The following BPIFC variants were observed in gnomAD, a reference collection of about 807,000 sequenced individuals.
BPIFC encodes the protein BPI fold containing family C.
In BPIFC, 60 loss-of-function variants were observed where a neutral mutation model predicts 57.6. The ratio of observed to expected loss-of-function variants is 1.04; its 90% CI spans 0.85 to 1.29. The LOEUF (loss-of-function observed/expected upper bound fraction) is 1.29. Among genes scored for constraint, BPIFC ranks in the 50% most tolerant of loss-of-function variants. BPIFC has a pLI of 0.00. For synonymous variants in BPIFC, 243 were observed against 224.5 expected (o/e 1.08, Z -0.74); for missense variants, 581 against 600.5 (o/e 0.97, Z 0.34).
chr22:32,437,493 C>T (rs1290991758), intron 9 of BPIFC, among the ~76,000 whole-genome samples: 1 of 152,112 alleles, frequency 6.6e-6, no homozygotes, highest in African/African-American at 2.4e-5. Context: ...CAGGTTCAAG[C>T]AATTCTCCTG....
chr22:32,449,528 T>C (rs1014557995), intron 4 of BPIFC, among the ~76,000 whole-genome samples: 2 of 152,214 alleles, frequency 1.3e-5, no homozygotes, highest in East Asian at 3.8e-4. Flanking sequence ...ATTCATTTAC[T>C]ATATCTTGGA....
intron 1 of BPIFC, among the ~76,000 whole-genome samples, chr22:32,462,413 A>G (rs1350794419): frequency 1.3e-5 from 2 of 152,082 alleles, no homozygotes; most frequent in Non-Finnish European, 2.9e-5. Flanking sequence ...GGTTCTACAA[A>G]TGGTTAGAAA....
rs1556036707 is a variant in BPIFC at position 32,424,753 on chromosome 22, C to CTCTTCTTCT, written c.1218-5358_1218-5350dup. The stretch of plus-strand genomic sequence containing the variant: ...CCTCTTCTTCTTCCTCTTCTTCTTC[C>CTCTTCTTCT]TCTTCTTCTTCTTCTTCTTCTTCTT... On this transcript the variant is annotated intron_variant, in intron 13 of 16. Transcript: ENST00000300399. Among the ~76,000 whole-genome samples the CTCTTCTTCT allele has an allele frequency of 1.4e-3, 49 of 35,490 alleles. 7 individuals carry two copies. The highest frequency in any genetic ancestry group is 0.013 in the Middle Eastern group (1 of 76). 23.3% of individuals were successfully genotyped at this position (35,490 alleles called of 152,430 possible). A position where few individuals can be genotyped will look rare whatever the true frequency, so the allele number is the denominator to read the frequency against.
chr22:32,461,466 A>C, intron 2 of BPIFC, 108 bp downstream of exon 2: 1 of 495,396 alleles, frequency 2.0e-6, no homozygotes, highest in Non-Finnish European at 2.6e-6. Context: ...AGTGATCTGA[A>C]GGTTGGAGGA....
At position 32,437,805 on chromosome 22, in the gene BPIFC, G is replaced by C; in HGVS notation, c.702C>G (p.Ile234Met). 2 of 1,612,542 alleles carry C rather than the reference G, an allele frequency of 1.2e-6. No homozygotes were observed. The highest frequency in any genetic ancestry group is 1.1e-5 in the South Asian group (1 of 91,034). The change falls in exon 9 of 17, where the codon ATC becomes ATG. Residue 234 changes from isoleucine (I) to methionine (M), a missense_variant. Ile to Met is a conservative substitution (Grantham distance 10). Coordinates refer to ENST00000300399, the MANE Select transcript of BPIFC (RefSeq NM_174932.3). ...AGTTCTCAGTAATTTCTGGAGAACT[G>C]ATTAGGGAGTAATCCAGCAGAGTGT... The part of the protein sequence containing the change: ...DNYTLLDYSL[I>M]SSPEITENYL...
intron 13 of BPIFC, among the ~76,000 whole-genome samples, chr22:32,420,835 G>A (rs5754078): frequency 1.3e-5 from 2 of 152,204 alleles, no homozygotes; most frequent in Admixed American, 6.5e-5. Context: ...GTAAAATTAC[G>A]ATATGTCCAT....
At chr22:32,432,224 G>C (rs1042805456) in intron 12 of BPIFC, 149 bp downstream of exon 12, 97 of 834,110 alleles carry the variant, frequency 1.2e-4, no homozygotes, top group South Asian at 2.4e-4. Flanking sequence ...GGAATTATAG[G>C]CATGAGCCAT....
At position 32,432,451 on chromosome 22, in the gene BPIFC, G is replaced by A. The variant is rs1238428969; in HGVS notation, c.1071C>T (p.Thr357=). Reference sequence around the variant, plus strand: ...TCATGATGGAGGCAGGGATGTCCAGGGTGAAATTGCCTGGTTGTAGATTGA... The same window carrying A: ...TCATGATGGAGGCAGGGATGTCCAGAGTGAAATTGCCTGGTTGTAGATTGA... ...PIINLQPGNF[T]LDIPASIMML... The change falls in exon 12 of 17, where the codon ACC becomes ACT. Residue 357 remains threonine (T), a synonymous_variant. Transcript: ENST00000300399. 5.6e-6 allele frequency: 9 copies of A among 1,613,994 alleles called. No individual in the cohort carries two copies. The highest frequency in any genetic ancestry group is 1.7e-5 in the Admixed American group (1 of 59,990).
chr22:32,436,475 G>GGAAGAA (rs375063707), intron 9 of BPIFC, among the ~76,000 whole-genome samples: 4 of 151,440 alleles, frequency 2.6e-5, no homozygotes, highest in Non-Finnish European at 4.4e-5. Flanking sequence ...AAAAAGAAGA[G>GGAAGAA]GAAGAAGAAG....
chr22:32,415,928 A>C lies in BPIFC; in HGVS notation c.1388T>G (p.Ile463Ser). 1.9e-6 allele frequency: 3 copies of C among 1,588,064 alleles called. No individual in the cohort carries two copies. The South Asian group carries it at 3.4e-5, about 18-fold the overall frequency. ...PHKFLFVNSD[I>S]EVLEGFLLIS... ...TTGCATTCTTACCTCAAGAACTTCA[A>C]TATCTGAATTGACGAATAAGAATTT... The change falls in exon 16 of 17, where the codon ATT (isoleucine) becomes AGT (serine). Residue 463 changes from isoleucine (I) to serine (S), a missense_variant. By Grantham distance (142) the Ile-to-Ser change is moderately radical. Coordinates refer to ENST00000300399, the MANE Select transcript of BPIFC (RefSeq NM_174932.3).
chr22:32,429,529 T>C (rs1263792441), intron 13 of BPIFC, among the ~76,000 whole-genome samples: 2 of 140,880 alleles, frequency 1.4e-5, no homozygotes, highest in South Asian at 4.8e-4. Context: ...TTTTTTTTTT[T>C]TTTTTTTCAT....
intron 7 of BPIFC, 38 bp downstream of exon 7, chr22:32,445,597 G>A (rs751595154): frequency 3.2e-5 from 48 of 1,506,148 alleles, no homozygotes; most frequent in Non-Finnish European, 4.2e-5. Flanking sequence ...TTCTACTAAT[G>A]GCATTTTACT....
chr22:32,452,289 G>A (rs1934916275), intron 4 of BPIFC, among the ~76,000 whole-genome samples: 1 of 152,086 alleles, frequency 6.6e-6, no homozygotes, highest in Non-Finnish European at 1.5e-5. Flanking sequence ...ACAGATCAGA[G>A]CATTAGCCAG....
chr22:32,435,773 A>C lies in BPIFC; in HGVS notation c.855T>G (p.Tyr285Ter). The change falls in exon 10 of 17, where the codon TAT becomes TAG. Residue 285 changes from tyrosine to a stop codon, truncating the protein, a stop_gained. Coordinates refer to ENST00000300399, the MANE Select transcript of BPIFC (RefSeq NM_174932.3). LOFTEE classifies it high-confidence loss of function. ...GAGCAAAGGACGCAGATTTAAAGAA[A>C]TACTCGGCGATTCCAATGTAGAGCA... is the stretch of plus-strand genomic sequence containing the variant. ...NSMLYIGIAE[Y>*]FFKSASFAHF... 3 of 1,614,218 alleles carry C rather than the reference A, an allele frequency of 1.9e-6. No individual in the cohort carries two copies. The highest frequency in any genetic ancestry group is 2.5e-6 in the Non-Finnish European group (3 of 1,180,034).
chr22:32,419,758 A>G (rs1730845631), intron 13 of BPIFC, among the ~76,000 whole-genome samples: 1 of 148,730 alleles, frequency 6.7e-6, no homozygotes, highest in African/African-American at 2.5e-5. Flanking sequence ...GTGAGCCAAG[A>G]TCATGCCACT....
chr22:32,449,104 T>C (rs573416309), intron 4 of BPIFC, among the ~76,000 whole-genome samples: 1 of 152,250 alleles, frequency 6.6e-6, no homozygotes, highest in South Asian at 2.1e-4. Context: ...ATAAAAAAAG[T>C]GGCTGAAGTC....
intron 9 of BPIFC, among the ~76,000 whole-genome samples, chr22:32,437,042 G>GCC (rs1934426492): frequency 6.6e-6 from 1 of 152,214 alleles, no homozygotes; most frequent in Non-Finnish European, 1.5e-5. Flanking sequence ...GGCCCTGACA[G>GCC]AGGTCAGCAG....
chr22:32,437,813 A>C lies in BPIFC; in HGVS notation c.694T>G (p.Ser232Ala), dbSNP rs1440842803. ...GTAATTTCTGGAGAACTGATTAGGGAGTAATCCAGCAGAGTGTAGTTGTCA... is the reference window on the plus strand; with the variant it reads ...GTAATTTCTGGAGAACTGATTAGGGCGTAATCCAGCAGAGTGTAGTTGTCA... The part of the protein sequence containing the change: ...KIDNYTLLDY[S>A]LISSPEITEN... Residue 232 changes from serine (S) to alanine (A), a missense_variant, in exon 9 of 17, where the codon TCC (serine) becomes GCC (alanine). Transcript: ENST00000300399. 8.1e-6 allele frequency: 13 copies of C among 1,612,552 alleles called. No individual in the cohort carries two copies. Among genetic ancestry groups the C allele is most frequent in the Non-Finnish European group, 1.1e-5 (13 of 1,178,726 alleles).
At chr22:32,429,852 C>T (rs981966753) in intron 13 of BPIFC, among the ~76,000 whole-genome samples, 10 of 152,092 alleles carry the variant, frequency 6.6e-5, no homozygotes, top group Non-Finnish European at 1.3e-4. Flanking sequence ...ATAACTACCA[C>T]GTTGACTTGT....
Sources: allele counts gnomAD v4.1 joint callset (sites outside exome capture counted in the v4.1 genomes callset), GRCh38; gene constraint gnomAD v4.1.1; transcripts MANE v1.5; gene names NCBI Gene and HGNC (gene_info 2026-07-23, HGNC 2026-07-21).